The following MACROD2 variants were observed in gnomAD, a reference collection of about 807,000 sequenced individuals.
MACROD2 encodes the protein mono-ADP ribosylhydrolase 2, also known as ADP-ribose glycohydrolase MACROD2.
A neutral mutation model predicts 70.4 loss-of-function variants in MACROD2; 36 were observed. The observed-to-expected ratio is 0.51, with a 90% confidence interval of 0.39 to 0.68. The LOEUF is 0.68. Among genes scored for constraint, MACROD2 ranks in the 30% least tolerant of loss-of-function variants. The pLI, the probability that MACROD2 is intolerant of heterozygous loss-of-function variation, is 0.00. For missense variants in MACROD2, 496 were observed against 538.4 expected (o/e 0.92, Z 0.78); for synonymous variants, 172 against 178.8 (o/e 0.96, Z 0.30).
intron 15 of MACROD2, among the ~76,000 whole-genome samples, chr20:16,017,368 G>A (rs1568711967): frequency 6.6e-6 from 1 of 152,164 alleles, no homozygotes; most frequent in South Asian, 2.1e-4. Context: ...CACTCAGCAG[G>A]TACACAGTAT....
At chr20:15,753,352 G>A (rs1480572374) in intron 8 of MACROD2, among the ~76,000 whole-genome samples, 1 of 150,052 alleles carries the variant, frequency 6.7e-6, no homozygotes, top group African/African-American at 2.5e-5. Flanking sequence ...TCACATGTAA[G>A]TGAGAACATG....
chr20:15,913,298 A>T (rs1014162774), intron 10 of MACROD2, among the ~76,000 whole-genome samples: 4 of 152,124 alleles, frequency 2.6e-5, no homozygotes, highest in Non-Finnish European at 5.9e-5. Context: ...CAACAAAATT[A>T]TGTTTAAGGC....
At chr20:15,213,310 C>T (rs574460279) in intron 5 of MACROD2, among the ~76,000 whole-genome samples, 1 of 152,204 alleles carries the variant, frequency 6.6e-6, no homozygotes, top group African/African-American at 2.4e-5. Context: ...GTGTATCAGG[C>T]ATTCTGCTTG....
chr20:14,933,129 T>C (rs919712971), intron 5 of MACROD2, among the ~76,000 whole-genome samples: 1 of 152,150 alleles, frequency 6.6e-6, no homozygotes, highest in African/African-American at 2.4e-5. Context: ...AACATCATGC[T>C]TCATGGCTTT....
At chr20:14,814,043 G>A (rs1199090537) in intron 5 of MACROD2, among the ~76,000 whole-genome samples, 1 of 152,078 alleles carries the variant, frequency 6.6e-6, no homozygotes, top group Non-Finnish European at 1.5e-5. Context: ...TTTAGGAGCT[G>A]TGTGCCAGGA....
chr20:14,938,009 T>TG (rs2074356172), intron 5 of MACROD2, among the ~76,000 whole-genome samples: 1 of 149,580 alleles, frequency 6.7e-6, no homozygotes, highest in African/African-American at 2.5e-5. Flanking sequence ...ACAAGTTTTT[T>TG]TTTTTTTTTT....
chr20:14,735,483 C>A (rs1238712272), intron 5 of MACROD2, among the ~76,000 whole-genome samples: 1 of 152,040 alleles, frequency 6.6e-6, no homozygotes, highest in Non-Finnish European at 1.5e-5. Context: ...TAATAAAAAA[C>A]AAGTAACAAG....
At chr20:15,983,794 A>G (rs2066436501) in intron 13 of MACROD2, among the ~76,000 whole-genome samples, 1 of 152,162 alleles carries the variant, frequency 6.6e-6, no homozygotes, top group South Asian at 2.1e-4. Flanking sequence ...GTGCAGATGG[A>G]ATATTTGATC....
chr20:15,018,316 G>A (rs991694205), intron 5 of MACROD2, among the ~76,000 whole-genome samples: 1 of 152,150 alleles, frequency 6.6e-6, no homozygotes, highest in African/African-American at 2.4e-5. Context: ...CTTTGCTCTA[G>A]GTCCCAATAA....
chr20:15,083,620 T>G (rs2123141178), intron 5 of MACROD2, among the ~76,000 whole-genome samples: 1 of 152,192 alleles, frequency 6.6e-6, no homozygotes, highest in African/African-American at 2.4e-5. Flanking sequence ...CTTAATTTTC[T>G]TAGAAAATTC....
At chr20:14,786,014 A>AT (rs1491189165) in intron 5 of MACROD2, among the ~76,000 whole-genome samples, 1 of 152,130 alleles carries the variant, frequency 6.6e-6, no homozygotes, top group Non-Finnish European at 1.5e-5. Flanking sequence ...ATGAAAATGC[A>AT]TATTATAAAA....
intron 5 of MACROD2, among the ~76,000 whole-genome samples, chr20:14,927,761 T>C (rs1220753613): frequency 6.6e-6 from 1 of 152,216 alleles, no homozygotes; most frequent in East Asian, 1.9e-4. Flanking sequence ...TGAAAGATGT[T>C]ACAGGTGTTT....
intron 6 of MACROD2, among the ~76,000 whole-genome samples, chr20:15,394,837 C>T (rs1230511803): frequency 2.0e-5 from 3 of 152,218 alleles, no homozygotes; most frequent in Non-Finnish European, 2.9e-5. Flanking sequence ...TTTGTTTTCC[C>T]TGGCTCAGTG....
intron 5 of MACROD2, among the ~76,000 whole-genome samples, chr20:14,923,929 G>C (rs906373312): frequency 6.6e-6 from 1 of 152,056 alleles, no homozygotes; most frequent in African/African-American, 2.4e-5. Flanking sequence ...GATGATGACT[G>C]GTGGTCATTA....
At chr20:14,607,310 A>T (rs1007357966) in intron 4 of MACROD2, among the ~76,000 whole-genome samples, 2 of 152,162 alleles carry the variant, frequency 1.3e-5, no homozygotes, top group African/African-American at 4.8e-5. Flanking sequence ...TATCAATTCT[A>T]TATGAGCTAG....
intron 5 of MACROD2, among the ~76,000 whole-genome samples, chr20:14,789,691 T>G (rs2064785): frequency 0.28 from 42,117 of 151,080 alleles, 6,288 homozygotes; most frequent in African/African-American, 0.37. Flanking sequence ...AGCCAGGTTG[T>G]TCTCGAACTC....
At chr20:16,046,285 C>A (rs1181589156) in intron 17 of MACROD2, among the ~76,000 whole-genome samples, 2 of 151,966 alleles carry the variant, frequency 1.3e-5, no homozygotes, top group Non-Finnish European at 2.9e-5. Context: ...TAGCATAAGA[C>A]TGCTAAAAAG....
intron 3 of MACROD2, among the ~76,000 whole-genome samples, chr20:14,177,318 T>TTG (rs1555929707): frequency 6.7e-6 from 1 of 150,120 alleles, no homozygotes; most frequent in African/African-American, 2.4e-5. Context: ...TTTTTTTTTT[T>TTG]GAGAAGGAGT....
At position 15,846,911 on chromosome 20, in the gene MACROD2, TTATATATA is replaced by T. The variant is rs33993940; in HGVS notation, c.646-15800_646-15793del. On this transcript the variant is annotated intron_variant, in intron 8 of 17. Coordinates refer to ENST00000684519, the MANE Select transcript of MACROD2 (RefSeq NM_001351661.2). ...GACCTTGACATAGTCAAAAAAAAAATTATATATATATATATATATATATATATATATAT... is the reference window on the plus strand; with the variant it reads ...GACCTTGACATAGTCAAAAAAAAAATTATATATATATATATATATATATAT... Among the ~76,000 whole-genome samples the T allele has an allele frequency of 2.2e-3, 309 of 138,114 alleles. 6 individuals carry two copies. The highest frequency in any genetic ancestry group is 7.6e-3 in the African/African-American group (275 of 36,394). The allele number at this position is 138,114 out of a possible 152,430, so 90.6% of individuals were successfully genotyped here.
Sources: allele counts gnomAD v4.1 joint callset (sites outside exome capture counted in the v4.1 genomes callset), GRCh38; gene constraint gnomAD v4.1.1; transcripts MANE v1.5; gene names NCBI Gene and HGNC (gene_info 2026-07-23, HGNC 2026-07-21).